The following AGBL1 variants were observed in gnomAD, a reference collection of about 807,000 sequenced individuals.
AGBL1 encodes the protein cytosolic carboxypeptidase 4.
In AGBL1, 130 loss-of-function variants were observed where a neutral mutation model predicts 118.9. That is an observed-to-expected ratio of 1.09 (90% CI 0.95 to 1.26). The LOEUF (loss-of-function observed/expected upper bound fraction) is 1.26. Ranked by LOEUF, AGBL1 falls within the 50% of genes most tolerant of loss-of-function variation. AGBL1 has a pLI of 0.00. For missense variants in AGBL1, 1,584 were observed against 1,298.1 expected, an observed-to-expected ratio of 1.22 and a Z score of -3.38; for synonymous variants, 555 against 478.9, an observed-to-expected ratio of 1.16 and a Z score of -2.08.
intron 20 of AGBL1, 32 bp downstream of exon 20, chr15:86,546,165 G>T (rs1447448200): frequency 5.7e-6 from 9 of 1,589,806 alleles, no homozygotes; most frequent in African/African-American, 1.3e-5. Context: ...CATCAGACAT[G>T]CTGTGTTCAT....
intron 22 of AGBL1, among the ~76,000 whole-genome samples, chr15:86,769,622 G>A (rs913988579): frequency 1.3e-5 from 2 of 151,980 alleles, no homozygotes; most frequent in Admixed American, 6.6e-5. Flanking sequence ...TAGACCCAAG[G>A]TATCTGAGTC....
intron 22 of AGBL1, among the ~76,000 whole-genome samples, chr15:86,697,796 C>CT (rs2086287946): frequency 6.6e-6 from 1 of 151,914 alleles, no homozygotes; most frequent in African/African-American, 2.4e-5. Flanking sequence ...ATGTAATACT[C>CT]TCCCCCTTTT....
At chr15:86,386,693 C>T (rs748751575) in intron 17 of AGBL1, among the ~76,000 whole-genome samples, 1 of 152,032 alleles carries the variant, frequency 6.6e-6, no homozygotes, top group East Asian at 1.9e-4. Context: ...ATCCCCATTA[C>T]CTCCCTCTGC....
intron 21 of AGBL1, among the ~76,000 whole-genome samples, chr15:86,565,414 T>A (rs1454232639): frequency 4.6e-5 from 7 of 152,256 alleles, no homozygotes; most frequent in Admixed American, 4.6e-4. Flanking sequence ...CCTGTTTGCC[T>A]GGGTATCAGC....
At chr15:86,526,659 A>G (rs1052047775) in intron 19 of AGBL1, among the ~76,000 whole-genome samples, 2 of 150,234 alleles carry the variant, frequency 1.3e-5, no homozygotes, top group Non-Finnish European at 3.0e-5. Flanking sequence ...GCACATATAC[A>G]TATACCATGG....
chr15:86,821,219 C>A (rs1480136798), intron 22 of AGBL1, among the ~76,000 whole-genome samples: 1 of 151,962 alleles, frequency 6.6e-6, no homozygotes, highest in African/African-American at 2.4e-5. Flanking sequence ...GGAGAAATAC[C>A]TAATATAGAT....
intron 9 of AGBL1, among the ~76,000 whole-genome samples, chr15:86,260,631 C>T (rs925406347): frequency 6.6e-5 from 10 of 152,140 alleles, no homozygotes; most frequent in Non-Finnish European, 1.5e-4. Context: ...GAAACACAAA[C>T]AGATAAGACA....
At chr15:86,943,890 C>T (rs2141658569) in intron 23 of AGBL1, among the ~76,000 whole-genome samples, 2 of 152,282 alleles carry the variant, frequency 1.3e-5, no homozygotes, top group Middle Eastern at 3.4e-3. Flanking sequence ...TATCACCAGC[C>T]CATTGGCCAG....
chr15:86,416,940 T>G (rs1010609524), intron 18 of AGBL1, among the ~76,000 whole-genome samples: 12 of 152,216 alleles, frequency 7.9e-5, no homozygotes, highest in African/African-American at 2.9e-4. Flanking sequence ...ATGCAATTTC[T>G]CTTGGACAAA....
At position 86,761,795 on chromosome 15, in the gene AGBL1, CTGA is replaced by C. The variant is rs199653034; in HGVS notation, c.3158+87364_3158+87366del. On this transcript the variant is annotated intron_variant, in intron 22 of 22. Coordinates refer to ENST00000614907, the MANE Select transcript of AGBL1 (RefSeq NM_001386094.1). ...ATTCTCTGTAGGTTGTGTTTTTGCT[CTGA>C]TGATAGCTTTTTTTGCTGTGCAGAA... Among the ~76,000 whole-genome samples the C allele has an allele frequency of 3.0e-4, 46 of 152,126 alleles. No individual in the cohort carries two copies. In the East Asian group the frequency reaches 8.5e-3, roughly 28 times the overall value.
intron 6 of AGBL1, among the ~76,000 whole-genome samples, chr15:86,235,541 T>C (rs2078526512): frequency 6.6e-6 from 1 of 152,190 alleles, no homozygotes; most frequent in Non-Finnish European, 1.5e-5. Flanking sequence ...AATATAAACA[T>C]TTCATGACTC....
At chr15:86,298,336 CTA>C (rs1381765159) in intron 17 of AGBL1, among the ~76,000 whole-genome samples, 16 of 111,474 alleles carry the variant, frequency 1.4e-4, no homozygotes, top group Non-Finnish European at 2.4e-4. Context: ...TATATGGTAA[CTA>C]TATATATATG....
At chr15:86,597,304 T>C (rs185561014) in intron 21 of AGBL1, among the ~76,000 whole-genome samples, 233 of 152,332 alleles carry the variant, frequency 1.5e-3, no homozygotes, top group African/African-American at 5.2e-3. Flanking sequence ...AAAGTAAATA[T>C]ACAGTGATGT....
chr15:86,732,333 T>C (rs2077536974), intron 22 of AGBL1, among the ~76,000 whole-genome samples: 1 of 152,238 alleles, frequency 6.6e-6, no homozygotes, highest in African/African-American at 2.4e-5. Flanking sequence ...TGATCTCATA[T>C]AATCTACTCC....
At chr15:86,236,946 GGGGGGC>G (rs532061575) in intron 6 of AGBL1, among the ~76,000 whole-genome samples, 2,922 of 34,652 alleles carry the variant, frequency 0.084, 404 homozygotes, top group African/African-American at 0.15. Flanking sequence ...GGGGGGCGGG[GGGGGGC>G]GGGGGGGCGC....
intron 5 of AGBL1, among the ~76,000 whole-genome samples, chr15:86,192,588 A>T (rs911829045): frequency 6.6e-6 from 1 of 152,162 alleles, no homozygotes; most frequent in African/African-American, 2.4e-5. Flanking sequence ...TTTGACCCAG[A>T]AATTTCACTA....
At chr15:86,884,007 T>A (rs1366773595) in intron 22 of AGBL1, among the ~76,000 whole-genome samples, 1 of 152,182 alleles carries the variant, frequency 6.6e-6, no homozygotes, top group African/African-American at 2.4e-5. Context: ...TAATTGTTTT[T>A]CTTCTGAGAC....
intron 22 of AGBL1, among the ~76,000 whole-genome samples, chr15:86,813,469 T>C (rs1158950173): frequency 2.0e-5 from 3 of 152,204 alleles, no homozygotes; most frequent in African/African-American, 4.8e-5. Flanking sequence ...AAGAGTCATA[T>C]ATGATTTCTG....
In AGBL1 at chr15:87,016,982, G is replaced by A. The variant is rs77623874; in HGVS notation, c.3324-11843G>A. Among the ~76,000 whole-genome samples the A allele has an allele frequency of 4.4e-3, 670 of 152,276 alleles. 4 individuals carry two copies. Among genetic ancestry groups the A allele is most frequent in the African/African-American group, 0.015 (644 of 41,568 alleles). ...GGCCCCAGGATTTCTGACAAGGTAA[G>A]AGATCTGTCCCTACATCCCCTAAGA... On this transcript the variant is annotated intron_variant, in intron 24 of 24. Coordinates refer to the AGBL1 transcript ENST00000441037.
Sources: gnomAD v4.1 joint callset for allele counts (sites outside exome capture counted in the v4.1 genomes callset) on GRCh38, gnomAD v4.1.1 for gene constraint, MANE v1.5 for transcripts, NCBI Gene and HGNC (gene_info 2026-07-23, HGNC 2026-07-21) for gene names.